Variants in XPO7 observed in about 807,000 individuals in gnomAD.
XPO7 encodes exportin 7.
Under a neutral mutation model 144.3 loss-of-function variants are expected in XPO7, and 21 were observed. That is an observed-to-expected ratio of 0.15 (90% CI 0.10 to 0.21). XPO7 has a LOEUF of 0.21. Among genes scored for constraint, XPO7 ranks in the 10% least tolerant of loss-of-function variants. The pLI is 1.00. For synonymous variants in XPO7, 580 were observed against 499.6 expected (o/e 1.16, Z -2.15); for missense variants, 808 against 1,325.8 (o/e 0.61, Z 6.06).
chr8:21,922,107 A>G (rs2117230107), intron 1 of XPO7, among the ~76,000 whole-genome samples: 1 of 152,286 alleles, frequency 6.6e-6, no homozygotes, highest in South Asian at 2.1e-4. Flanking sequence ...CAGATTCATG[A>G]CTGATTATTG....
intron 1 of XPO7, among the ~76,000 whole-genome samples, chr8:21,925,305 A>G (rs995566890): frequency 2.6e-5 from 4 of 152,364 alleles, no homozygotes; most frequent in Admixed American, 2.0e-4. Flanking sequence ...GCATGCACAC[A>G]AGGACACACA....
intron 20 of XPO7, among the ~76,000 whole-genome samples, chr8:21,994,836 G>C (rs567746430): frequency 6.6e-6 from 1 of 151,994 alleles, no homozygotes; most frequent in African/African-American, 2.4e-5. Flanking sequence ...GGCGGATCAC[G>C]AGGTCAGGAG....
At chr8:21,934,040 G>A (rs1009448811) in intron 1 of XPO7, among the ~76,000 whole-genome samples, 1 of 152,098 alleles carries the variant, frequency 6.6e-6, no homozygotes, top group Non-Finnish European at 1.5e-5. Context: ...GTTTTTTTCA[G>A]TTGTACATTG....
chr8:21,991,165 C>A (rs1812760729), intron 18 of XPO7, among the ~76,000 whole-genome samples: 1 of 152,218 alleles, frequency 6.6e-6, no homozygotes, highest in African/African-American at 2.4e-5. Flanking sequence ...ATTCTCTTCA[C>A]ATTCTTCGGG....
chr8:21,924,415 G>T (rs1810392760), intron 1 of XPO7, among the ~76,000 whole-genome samples: 1 of 151,680 alleles, frequency 6.6e-6, no homozygotes, highest in South Asian at 2.1e-4. Flanking sequence ...GAAGTCCCCT[G>T]ATACCATCTC....
chr8:21,995,554 G>C lies in XPO7; in HGVS notation c.2300G>C (p.Cys767Ser), dbSNP rs372197856. 2 of 1,609,598 alleles carry C rather than the reference G, an allele frequency of 1.2e-6. No individual in the cohort carries two copies. ...GAGCTCTGGTACCATGATCCAGCCTGTACTACACCTGTACTCAAGTTGATG... is the reference window on the plus strand; with the variant it reads ...GAGCTCTGGTACCATGATCCAGCCTCTACTACACCTGTACTCAAGTTGATG... ...AIELWYHDPA[C>S]TTPVLKLMAE... Residue 767 changes from cysteine (C) to serine (S), a missense_variant, in exon 21 of 28, where the codon TGT becomes TCT. Cys to Ser is a moderately radical substitution (Grantham distance 112). This residue lies in a region of XPO7 where 416 missense variants were observed against 612.5 expected (regional missense o/e 0.68). Transcript: ENST00000252512.
In XPO7 at chr8:21,991,888, G is replaced by C; in HGVS notation, c.2062G>C (p.Glu688Gln). ...VDLGEDEDQY[E>Q]QFMLPLTAAF... ...TACAGGAGAGGATGAAGATCAGTATGAGCAGTTCATGCTGCCACTCACAGC... is the reference window on the plus strand; with the variant it reads ...TACAGGAGAGGATGAAGATCAGTATCAGCAGTTCATGCTGCCACTCACAGC... Residue 688 changes from glutamate (E) to glutamine (Q), a missense_variant, in exon 19 of 28, where the codon GAG becomes CAG. Physicochemically the swap from Glu to Gln is conservative, Grantham distance 29. Around this residue, in one of 5 missense-constraint regions of XPO7, gnomAD observed 416 missense variants for 612.5 expected, o/e 0.68. Transcript: ENST00000252512. 1.2e-6 allele frequency: 2 copies of C among 1,612,982 alleles called. No individual in the cohort carries two copies. Among genetic ancestry groups the C allele is most frequent in the Non-Finnish European group, 1.7e-6 (2 of 1,179,672 alleles).
rs527958394 is a variant in XPO7 at position 21,951,240 on chromosome 8, T to C, written c.19-15617T>C. On this transcript the variant is annotated intron_variant, in intron 1 of 27. Transcript: ENST00000252512. Reference sequence around the variant, plus strand: ...CCTTGTTAGGTGACATAGGTAGATATGCTCACCTCTTTGGTTAAGTACGTC... The same window carrying C: ...CCTTGTTAGGTGACATAGGTAGATACGCTCACCTCTTTGGTTAAGTACGTC... Among the ~76,000 whole-genome samples, 24 of 152,096 alleles carry C rather than the reference T, an allele frequency of 1.6e-4. No individual in the cohort carries two copies. In the South Asian group the frequency reaches 3.5e-3, roughly 22 times the overall value.
At chr8:21,978,235 G>A (rs779201773) in intron 8 of XPO7, among the ~76,000 whole-genome samples, 4 of 152,196 alleles carry the variant, frequency 2.6e-5, no homozygotes, top group Non-Finnish European at 5.9e-5. Flanking sequence ...TGGAAACTGT[G>A]ATGAGAAGGC....
intron 1 of XPO7, among the ~76,000 whole-genome samples, chr8:21,924,003 G>T (rs1810377975): frequency 6.6e-6 from 1 of 152,170 alleles, no homozygotes; most frequent in Non-Finnish European, 1.5e-5. Context: ...GGCTTAACTA[G>T]ATGGTTTTGG....
intron 27 of XPO7, among the ~76,000 whole-genome samples, chr8:22,004,653 C>T (rs1268659965): frequency 6.6e-6 from 1 of 152,046 alleles, no homozygotes; most frequent in Non-Finnish European, 1.5e-5. Flanking sequence ...AGCAGCCGCC[C>T]TATTGGACAG....
At chr8:21,932,400 CT>C (rs1810681712) in intron 1 of XPO7, among the ~76,000 whole-genome samples, 1 of 152,068 alleles carries the variant, frequency 6.6e-6, no homozygotes, top group African/African-American at 2.4e-5. Flanking sequence ...TTCTTTTTTA[CT>C]TTTTTGTTTG....
At chr8:21,937,875 T>A (rs944133816) in intron 1 of XPO7, among the ~76,000 whole-genome samples, 2 of 152,230 alleles carry the variant, frequency 1.3e-5, no homozygotes, top group African/African-American at 4.8e-5. Flanking sequence ...TTTGGAGTAA[T>A]TTATAAAGTA....
intron 1 of XPO7, among the ~76,000 whole-genome samples, chr8:21,940,911 T>TA (rs998193498): frequency 4.6e-4 from 70 of 152,124 alleles, no homozygotes; most frequent in Admixed American, 2.0e-3. Context: ...CAAACAGAGG[T>TA]ACATGCCGAA....
chr8:21,927,012 A>T (rs771681825), intron 1 of XPO7, among the ~76,000 whole-genome samples: 1 of 152,202 alleles, frequency 6.6e-6, no homozygotes, highest in Non-Finnish European at 1.5e-5. Flanking sequence ...AATGTTCCAG[A>T]ACTGAGCAAC....
chr8:22,003,450 G>A, intron 26 of XPO7, 133 bp downstream of exon 26: 1 of 659,586 alleles, frequency 1.5e-6, no homozygotes, highest in Non-Finnish European at 2.6e-6. Context: ...CATTTACTGA[G>A]CAAGTCCCAT....
At chr8:21,932,707 A>G (rs1468324759) in intron 1 of XPO7, among the ~76,000 whole-genome samples, 1 of 152,094 alleles carries the variant, frequency 6.6e-6, no homozygotes, top group Admixed American at 6.6e-5. Context: ...ATTATTTCTA[A>G]CGTTTAAATG....
rs774287279 is a variant in XPO7, at chr8:22,003,337, G to A, written c.3042+20G>A. On this transcript the variant is annotated intron_variant, in intron 26 of 27. Transcript: ENST00000252512. ...GAAAAGGTGAGAGAGCCAGCTCCCT[G>A]GTGCCAACCCAGAAGCAGTGGCAAC... 176 of 1,590,488 alleles carry A rather than the reference G, an allele frequency of 1.1e-4. No homozygotes were observed. Among genetic ancestry groups the A allele is most frequent in the Non-Finnish European group, 1.5e-4 (170 of 1,166,764 alleles).
chr8:21,982,940 C>T, intron 11 of XPO7, 128 bp downstream of exon 11: 1 of 1,187,466 alleles, frequency 8.4e-7, no homozygotes, highest in South Asian at 1.6e-5. Context: ...GTTCATGGTT[C>T]TTCTTCCTTG....
Sources: gnomAD v4.1 joint callset for allele counts (sites outside exome capture counted in the v4.1 genomes callset) on GRCh38, gnomAD v4.1.1 for gene constraint, gnomAD v4.1.1 regional missense constraint, MANE v1.5 for transcripts, NCBI Gene and HGNC (gene_info 2026-07-23, HGNC 2026-07-21) for gene names.